Variants in PRELID2 observed in about 807,000 individuals in gnomAD.
PRELID2 encodes the protein PRELI domain containing 2.
PRELID2 carries 25 observed loss-of-function variants against 28.4 expected under a neutral mutation model. That is an observed-to-expected ratio of 0.88 (90% CI 0.64 to 1.23). PRELID2 has a LOEUF of 1.23. Ranked by LOEUF, PRELID2 falls within the 50% of genes most tolerant of loss-of-function variation. The pLI is 0.00. For missense variants in PRELID2, 201 were observed against 214.4 expected (o/e 0.94, Z 0.39); for synonymous variants, 76 against 71.6 (o/e 1.06, Z -0.31).
At chr5:145,433,296 T>C in the PRELID2 span, among the ~76,000 whole-genome samples, 1 of 152,218 alleles carries the variant, frequency 6.6e-6, no homozygotes, top group Admixed American at 6.5e-5. Flanking sequence ...CCTTGGAGTA[T>C]GTGAGGGTGA....
intron 1 of PRELID2, among the ~76,000 whole-genome samples, chr5:145,516,135 G>A (rs189944762): frequency 6.6e-6 from 1 of 152,274 alleles, no homozygotes; most frequent in East Asian, 1.9e-4. Context: ...TGGAAGTTCT[G>A]TCCAGGGCAA....
intron 1 of PRELID2, among the ~76,000 whole-genome samples, chr5:145,497,888 A>G (rs549491369): frequency 1.2e-4 from 18 of 152,314 alleles, no homozygotes; most frequent in African/African-American, 4.3e-4. Flanking sequence ...GATTGTTGTA[A>G]CTTTCCCACA....
the PRELID2 span, among the ~76,000 whole-genome samples, chr5:145,238,357 G>A: frequency 1.3e-5 from 2 of 152,156 alleles, no homozygotes; most frequent in East Asian, 1.9e-4. Context: ...ACATCAATGC[G>A]GATGTTTCTT....
chr5:145,428,238 C>A, the PRELID2 span, among the ~76,000 whole-genome samples: 1 of 152,100 alleles, frequency 6.6e-6, no homozygotes, highest in East Asian at 1.9e-4. Flanking sequence ...GGATTGCAGG[C>A]CTGAGTCACC....
chr5:145,539,851 T>G (rs1752731755), intron 1 of PRELID2, among the ~76,000 whole-genome samples: 1 of 151,876 alleles, frequency 6.6e-6, no homozygotes, highest in Non-Finnish European at 1.5e-5. Context: ...AAGAACATTT[T>G]ATAGTATTTT....
chr5:145,309,341 G>C, the PRELID2 span, among the ~76,000 whole-genome samples: 2 of 152,152 alleles, frequency 1.3e-5, no homozygotes, highest in Admixed American at 6.5e-5. Context: ...GAAGAGAAAT[G>C]ATATGAGCAA....
At chr5:145,453,964 C>G in the PRELID2 span, among the ~76,000 whole-genome samples, 1 of 151,908 alleles carries the variant, frequency 6.6e-6, no homozygotes, top group South Asian at 2.1e-4. Flanking sequence ...ATTTATAATC[C>G]TTTGGGTATA....
intron 1 of PRELID2, among the ~76,000 whole-genome samples, chr5:145,710,428 G>C (rs564091196): frequency 2.2e-3 from 337 of 152,170 alleles, no homozygotes; most frequent in African/African-American, 7.5e-3. Context: ...TTTTCAAAAA[G>C]GTAGGAAATA....
rs535879985 is a variant in PRELID2 at position 145,614,523 on chromosome 5, G to A, written n.71-141208C>T. ...GCAGAGCTTTATAGTTTTCCTTGTA[G>A]AGGTCTTTCAGCTCCTTGGTTAGGG... On this transcript the variant is annotated intron_variant and non_coding_transcript_variant, in intron 1 of 2. Coordinates refer to the PRELID2 transcript ENST00000510259. Among the ~76,000 whole-genome samples, 250 of 152,244 alleles carry A rather than the reference G, an allele frequency of 1.6e-3. 1 individual carries two copies. Among genetic ancestry groups the A allele is most frequent in the African/African-American group, 4.6e-3 (190 of 41,540 alleles).
the PRELID2 span, among the ~76,000 whole-genome samples, chr5:145,398,815 C>T: frequency 5.3e-5 from 8 of 152,004 alleles, no homozygotes; most frequent in Admixed American, 2.0e-4. Context: ...GAGAAGAATG[C>T]GTGAGAGGAG....
chr5:145,651,026 G>C (rs1290449472), intron 1 of PRELID2, among the ~76,000 whole-genome samples: 1 of 152,168 alleles, frequency 6.6e-6, no homozygotes, highest in East Asian at 1.9e-4. Flanking sequence ...AGCTGTGACA[G>C]ATGGCACCTG....
chr5:145,694,751 A>G (rs1755222047), intron 1 of PRELID2, among the ~76,000 whole-genome samples: 1 of 152,098 alleles, frequency 6.6e-6, no homozygotes, highest in African/African-American at 2.4e-5. Flanking sequence ...CACAAAAATC[A>G]CGCTTTCATA....
chr5:145,288,375 T>C, the PRELID2 span, among the ~76,000 whole-genome samples: 3 of 152,290 alleles, frequency 2.0e-5, no homozygotes, highest in East Asian at 3.9e-4. Context: ...CCAGCTTTGA[T>C]CTTTGAGAGC....
At chr5:145,657,086 T>C (rs544958393) in intron 1 of PRELID2, among the ~76,000 whole-genome samples, 2 of 152,232 alleles carry the variant, frequency 1.3e-5, no homozygotes, top group South Asian at 4.2e-4. Flanking sequence ...AAGAAAGTAT[T>C]CATTTTTTAT....
chr5:145,343,113 T>C, the PRELID2 span, among the ~76,000 whole-genome samples: 1 of 151,832 alleles, frequency 6.6e-6, no homozygotes, highest in East Asian at 1.9e-4. Context: ...ACAGATCATC[T>C]AGACAAAAAA....
chr5:145,238,028 T>C, the PRELID2 span, among the ~76,000 whole-genome samples: 2 of 152,132 alleles, frequency 1.3e-5, no homozygotes, highest in Non-Finnish European at 2.9e-5. Flanking sequence ...ATCAGGCACC[T>C]GGCATATGCC....
At position 145,611,030 on chromosome 5, in the gene PRELID2, T is replaced by C. The variant is rs544724737; in HGVS notation, n.71-137715A>G. 2.4e-3 allele frequency among the ~76,000 whole-genome samples: 361 copies of C among 149,130 alleles called. 3 individuals are homozygous for C. Among genetic ancestry groups the C allele is most frequent in the African/African-American group, 8.4e-3 (343 of 40,982 alleles). On this transcript the variant is annotated intron_variant and non_coding_transcript_variant, in intron 1 of 2. Transcript: ENST00000510259. ...TAAATAAATATTAAAATATGTAATATGAAATATAGAGAGAGAGAAGAATTG... is the reference window on the plus strand; with the variant it reads ...TAAATAAATATTAAAATATGTAATACGAAATATAGAGAGAGAGAAGAATTG...
the PRELID2 span, among the ~76,000 whole-genome samples, chr5:145,447,125 G>T: frequency 6.6e-6 from 1 of 151,426 alleles, no homozygotes; most frequent in African/African-American, 2.4e-5. Flanking sequence ...CACATTTTTT[G>T]ATATAGTCCT....
chr5:145,762,327 AT>A (rs1053446998), intron 6 of PRELID2, among the ~76,000 whole-genome samples: 86 of 152,222 alleles, frequency 5.6e-4, no homozygotes, highest in African/African-American at 2.0e-3. Context: ...ACAAACAAAC[AT>A]AAAAAACACA....
Sources: allele counts gnomAD v4.1 joint callset (sites outside exome capture counted in the v4.1 genomes callset), GRCh38; gene constraint gnomAD v4.1.1; transcripts MANE v1.5; gene names NCBI Gene and HGNC (gene_info 2026-07-23, HGNC 2026-07-21).